TXK: variants seen among roughly 807,000 people sequenced by gnomAD.
TXK encodes the protein tyrosine-protein kinase TXK.
In TXK, 60 loss-of-function variants were observed where a neutral mutation model predicts 81.0. That is an observed-to-expected ratio of 0.74 (90% CI 0.60 to 0.92). TXK has a LOEUF of 0.92. Ranked by LOEUF, TXK falls within the 40% of genes least tolerant of loss-of-function variation. The pLI, the probability that TXK is intolerant of heterozygous loss-of-function variation, is 0.00. For missense variants in TXK, 581 were observed against 638.3 expected, an observed-to-expected ratio of 0.91 and a Z score of 0.97; for synonymous variants, 203 against 210.7, an observed-to-expected ratio of 0.96 and a Z score of 0.32.
intron 5 of TXK, among the ~76,000 whole-genome samples, chr4:48,105,454 C>T (rs1718422131): frequency 6.6e-6 from 1 of 152,096 alleles, no homozygotes. Context: ...GATGTTCTCA[C>T]TTACAAGTGG....
intron 1 of TXK, among the ~76,000 whole-genome samples, chr4:48,126,887 C>T (rs144336921): frequency 0.012 from 1,876 of 152,276 alleles, 17 homozygotes; most frequent in Non-Finnish European, 0.022. Flanking sequence ...CCCCCAGCTC[C>T]CTGACCTCAC....
intron 10 of TXK, among the ~76,000 whole-genome samples, chr4:48,080,408 T>A (rs1717254935): frequency 6.6e-6 from 1 of 152,164 alleles, no homozygotes. Flanking sequence ...CATTTTATAA[T>A]CCTTTTGTTT....
At chr4:48,082,924 A>G (rs1717366628) in intron 10 of TXK, among the ~76,000 whole-genome samples, 1 of 152,102 alleles carries the variant, frequency 6.6e-6, no homozygotes. Flanking sequence ...CCAGCTTCCC[A>G]TCCATCCTGC....
intron 1 of TXK, among the ~76,000 whole-genome samples, chr4:48,131,856 G>T (rs957048095): frequency 6.6e-6 from 1 of 152,170 alleles, no homozygotes; most frequent in Non-Finnish European, 1.5e-5. Flanking sequence ...AATATTTAAA[G>T]ATCCTTAAGT....
chr4:48,084,132 C>T (rs1041129080), intron 10 of TXK, among the ~76,000 whole-genome samples: 25 of 152,252 alleles, frequency 1.6e-4, no homozygotes, highest in South Asian at 4.1e-4. Flanking sequence ...CTCTGTCACT[C>T]AGGCTGGAGT....
chr4:48,115,108 G>A (rs527944306), intron 1 of TXK, among the ~76,000 whole-genome samples: 122 of 151,742 alleles, frequency 8.0e-4, no homozygotes, highest in African/African-American at 2.8e-3. Context: ...AGATATATAT[G>A]TGCCATGGTA....
intron 1 of TXK, among the ~76,000 whole-genome samples, chr4:48,126,577 T>G (rs1460740429): frequency 6.6e-6 from 1 of 152,198 alleles, no homozygotes; most frequent in Non-Finnish European, 1.5e-5. Context: ...CTCGGCTCAC[T>G]GCAACCTCCG....
intron 6 of TXK, among the ~76,000 whole-genome samples, chr4:48,103,462 C>CCATCCTCTG (rs1718281537): frequency 6.6e-6 from 1 of 152,256 alleles, no homozygotes; most frequent in African/African-American, 2.4e-5. Context: ...GGGCCTGTGT[C>CCATCCTCTG]CCTCATTCTC....
At chr4:48,110,674 T>C (rs1718606332) in intron 4 of TXK, 71 bp from the exon 5 acceptor site, 1 of 1,138,802 alleles carries the variant, frequency 8.8e-7, no homozygotes, top group Non-Finnish European at 1.3e-6. Context: ...AACAATCCTT[T>C]TAAAACCTCA....
chr4:48,111,984 A>G (rs1429378648), intron 4 of TXK, among the ~76,000 whole-genome samples: 1 of 152,252 alleles, frequency 6.6e-6, no homozygotes, highest in East Asian at 1.9e-4. Flanking sequence ...CAAATTCCCA[A>G]ATGAAAGCAC....
At chr4:48,127,171 C>T (rs7680519) in intron 1 of TXK, among the ~76,000 whole-genome samples, 50,585 of 152,058 alleles carry the variant, frequency 0.33, 9,087 homozygotes, top group East Asian at 0.68. Flanking sequence ...AGAGTTGCTG[C>T]CCAATAAATA....
chr4:48,122,876 C>T (rs919193939), intron 1 of TXK, among the ~76,000 whole-genome samples: 1 of 152,144 alleles, frequency 6.6e-6, no homozygotes, highest in African/African-American at 2.4e-5. Context: ...ATAACTCAGT[C>T]ATAAAAGTCC....
intron 6 of TXK, among the ~76,000 whole-genome samples, chr4:48,097,661 C>T (rs900377187): frequency 1.3e-5 from 2 of 151,216 alleles, no homozygotes; most frequent in Admixed American, 6.6e-5. Flanking sequence ...TGGTCTCGAT[C>T]TCTTGACCTT....
At chr4:48,076,042 A>G (rs1388448180) in intron 12 of TXK, among the ~76,000 whole-genome samples, 1 of 152,122 alleles carries the variant, frequency 6.6e-6, no homozygotes, top group Non-Finnish European at 1.5e-5. Flanking sequence ...GAGGACACAG[A>G]AAAATCAGAG....
intron 9 of TXK, among the ~76,000 whole-genome samples, chr4:48,089,024 T>C (rs1435333328): frequency 2.0e-5 from 3 of 152,184 alleles, no homozygotes; most frequent in Admixed American, 6.5e-5. Context: ...AAATTGAACT[T>C]TGTGCATGTT....
rs542541045 is a variant in TXK at position 48,066,639 on chromosome 4, T to C, written c.*998A>G. ...CTTTCTCCAGTATCTTTCTTCCTAT[T>C]GTACTCCTGAAGCACTCAGAATGAT... On this transcript the variant is annotated 3_prime_UTR_variant, in exon 15 of 15. Coordinates refer to ENST00000264316, the MANE Select transcript of TXK (RefSeq NM_003328.3). 1 of 152,192 alleles carries C rather than the reference T, an allele frequency of 6.6e-6. No individual in the cohort carries two copies. 9.4% of individuals were successfully genotyped at this position (152,192 alleles called of 1,614,324 possible). A position where few individuals can be genotyped will look rare whatever the true frequency, so the allele number is the denominator to read the frequency against.
intron 13 of TXK, 59 bp downstream of exon 13, chr4:48,073,876 T>C: frequency 8.8e-7 from 1 of 1,133,626 alleles, no homozygotes; most frequent in Non-Finnish European, 1.3e-6. Context: ...AAGTTAAAAA[T>C]AACACATTGC....
At chr4:48,083,118 A>G (rs1349153089) in intron 10 of TXK, among the ~76,000 whole-genome samples, 1 of 152,226 alleles carries the variant, frequency 6.6e-6, no homozygotes, top group Non-Finnish European at 1.5e-5. Context: ...TGCGGATCAC[A>G]AGGCTAAAAG....
intron 1 of TXK, among the ~76,000 whole-genome samples, chr4:48,130,470 G>A (rs1250460316): frequency 6.6e-6 from 1 of 152,150 alleles, no homozygotes; most frequent in Non-Finnish European, 1.5e-5. Context: ...GCCTGAGAGT[G>A]CTCCCAACAA....
Sources: gnomAD v4.1 joint callset for allele counts (sites outside exome capture counted in the v4.1 genomes callset) on GRCh38, gnomAD v4.1.1 for gene constraint, MANE v1.5 for transcripts, NCBI Gene and HGNC (gene_info 2026-07-23, HGNC 2026-07-21) for gene names.